The following UCP2 variants were observed in gnomAD, a reference collection of about 807,000 sequenced individuals.
The protein encoded by UCP2 is uncoupling protein 2.
In UCP2, 27 loss-of-function variants were observed where a neutral mutation model predicts 31.3. The ratio of observed to expected loss-of-function variants is 0.86; its 90% CI spans 0.64 to 1.19. The LOEUF is 1.19. Among genes scored for constraint, UCP2 ranks in the 50% most tolerant of loss-of-function variants. The pLI, the probability that UCP2 is intolerant of heterozygous loss-of-function variation, is 0.00. For synonymous variants in UCP2, 142 were observed against 157.4 expected (o/e 0.90, Z 0.73); for missense variants, 377 against 413.5 (o/e 0.91, Z 0.76).
rs561404186 is a variant in UCP2 at position 73,978,429 on chromosome 11, G to A, written c.-51C>T. On this transcript the variant is annotated 5_prime_UTR_variant, in exon 3 of 8. Coordinates refer to ENST00000663595, the MANE Select transcript of UCP2 (RefSeq NM_003355.3). ...GGAGATGGAGAAAAACTGGAGACAG[G>A]GGCACCTTTAATCAGCAACAAGACG... 6.2e-7 allele frequency: 1 copy of A among 1,612,554 alleles called. No individual in the cohort carries two copies. The highest frequency in any genetic ancestry group is 1.7e-5 in the Admixed American group (1 of 59,930).
rs559032317 is a variant in UCP2, at chr11:73,974,862, A to T, written c.*145T>A. The T allele has an allele frequency of 3.5e-5, 26 of 748,088 alleles. No homozygotes were observed. In the East Asian group the frequency reaches 6.8e-4, roughly 19 times the overall value. The allele number at this position is 748,088 out of a possible 1,614,324, so 46.3% of individuals were successfully genotyped here. On this transcript the variant is annotated 3_prime_UTR_variant, in exon 8 of 8. Coordinates refer to ENST00000663595, the MANE Select transcript of UCP2 (RefSeq NM_003355.3). ...GTAGATGAGAATGTAGAAAGAGGGA[A>T]GGTGGTAGGTAAAGGAGCGGAAGGA...
rs751438926 is a variant in UCP2, at chr11:73,976,650, G to T, written c.625C>A (p.Leu209Ile). The change falls in exon 6 of 8, where the codon CTC (leucine) becomes ATC (isoleucine). Residue 209 changes from leucine (L) to isoleucine (I), a missense_variant. Transcript: ENST00000663595. ...CTACCTCATGACTCACCTGTCATGA[G>T]GTTGGCTTTCAGGAGGGCATCCTTG... is the stretch of plus-strand genomic sequence containing the variant. ...LIKDALLKANLMTDDLPCHFT... is the reference protein window; with the variant it reads ...LIKDALLKANIMTDDLPCHFT... 1.2e-6 allele frequency: 2 copies of T among 1,613,992 alleles called. No individual in the cohort carries two copies. The highest frequency in any genetic ancestry group is 2.2e-5 in the South Asian group (2 of 91,076).
intron 2 of UCP2, among the ~76,000 whole-genome samples, chr11:73,979,501 G>A (rs1321468787): frequency 2.6e-5 from 4 of 152,048 alleles, no homozygotes; most frequent in South Asian, 2.1e-4. Flanking sequence ...AGCTGAGATC[G>A]TGCCACTGCA....
At chr11:73,976,614 C>A (rs764698469) in intron 6 of UCP2, 27 bp downstream of exon 6, 2 of 1,591,840 alleles carry the variant, frequency 1.3e-6, no homozygotes, top group Admixed American at 3.3e-5. Context: ...AAGGGTGAGA[C>A]CCAGCACCGT....
chr11:73,975,693 G>T (rs1359171747), intron 6 of UCP2, 22 bp from the exon 7 acceptor site: 2 of 1,614,068 alleles, frequency 1.2e-6, no homozygotes, highest in South Asian at 2.2e-5. Flanking sequence ...GAGCAGGCAA[G>T]GCAGTCAAGA....
At position 73,982,789 on chromosome 11, in the gene UCP2, A is replaced by C. The variant is rs1951482598; in HGVS notation, c.-325T>G. 1 of 152,340 alleles carries C rather than the reference A, an allele frequency of 6.6e-6. No homozygotes were observed. Among genetic ancestry groups the C allele is most frequent in the Non-Finnish European group, 1.5e-5 (1 of 68,362 alleles). 9.4% of individuals were successfully genotyped at this position (152,340 alleles called of 1,614,324 possible). A position where few individuals can be genotyped will look rare whatever the true frequency, so the allele number is the denominator to read the frequency against. ...CGGCTGGCGGAGGGCGCGTCGGACG[A>C]GCCGGGCGAGCGTGGACAGTCAATC... On this transcript the variant is annotated 5_prime_UTR_variant, in exon 1 of 8. Transcript: ENST00000663595.
intron 2 of UCP2, among the ~76,000 whole-genome samples, chr11:73,980,509 C>T (rs933474004): frequency 5.9e-5 from 9 of 152,168 alleles, no homozygotes; most frequent in African/African-American, 1.2e-4. Context: ...AAGGTGCCCT[C>T]GGACTCCCCA....
chr11:73,977,744 GA>G, intron 4 of UCP2, 141 bp downstream of exon 4: 2 of 1,130,542 alleles, frequency 1.8e-6, no homozygotes, highest in Non-Finnish European at 2.5e-6. Flanking sequence ...CTATGTGGAG[GA>G]CCAGGGCCCC....
chr11:73,974,721 G>C lies in UCP2; in HGVS notation c.*286C>G, dbSNP rs970943016. 2 of 451,252 alleles carry C rather than the reference G, an allele frequency of 4.4e-6. No homozygotes were observed. The highest frequency in any genetic ancestry group is 8.2e-6 in the Non-Finnish European group (2 of 243,356). The allele number at this position is 451,252 out of a possible 1,614,324, so 28.0% of individuals were successfully genotyped here. A position where few individuals can be genotyped will look rare whatever the true frequency, so the allele number is the denominator to read the frequency against. The stretch of plus-strand genomic sequence containing the variant: ...GACAAGTGGGCTAGGCTGGGCTGTC[G>C]GGGGCAGGACGAAGATTCTGGCTGA... On this transcript the variant is annotated 3_prime_UTR_variant, in exon 8 of 8. Transcript: ENST00000663595.
intron 4 of UCP2, among the ~76,000 whole-genome samples, chr11:73,977,400 A>C (rs973054689): frequency 6.6e-6 from 1 of 152,226 alleles, no homozygotes; most frequent in African/African-American, 2.4e-5. Flanking sequence ...ATCTCAGGTC[A>C]GCTTTACTTC....
chr11:73,977,532 C>T (rs904795622), intron 4 of UCP2, among the ~76,000 whole-genome samples: 7 of 152,176 alleles, frequency 4.6e-5, no homozygotes, highest in Admixed American at 1.3e-4. Context: ...GCCTTAGAGA[C>T]GAGTGTCCTG....
At chr11:73,980,073 A>C (rs1951427034) in intron 2 of UCP2, 1 of 152,196 alleles carries the variant, frequency 6.6e-6, no homozygotes, top group Non-Finnish European at 1.5e-5. Context: ...TGATAAAGTA[A>C]ACCAAAAGCC....
Position 73,975,515 on chromosome 11 carries a change from T to G in UCP2, c.791A>C (p.Glu264Ala). ...CCCTTTGTAGAAGGCTCGGGGCCCC[T>G]CCTTCTGGAGCATGGTAAGGGCACA... ...GHCALTMLQKEGPRAFYKGFM... is the reference protein window; with the variant it reads ...GHCALTMLQKAGPRAFYKGFM... The change falls in exon 7 of 8, where the codon GAG becomes GCG. Residue 264 changes from glutamate (E) to alanine (A), a missense_variant. Coordinates refer to ENST00000663595, the MANE Select transcript of UCP2 (RefSeq NM_003355.3). The G allele has an allele frequency of 6.2e-7, 1 of 1,611,734 alleles. No homozygotes were observed. The highest frequency in any genetic ancestry group is 8.5e-7 in the Non-Finnish European group (1 of 1,178,480).
At chr11:73,980,667 C>A (rs1004945031) in intron 2 of UCP2, 1 of 152,258 alleles carries the variant, frequency 6.6e-6, no homozygotes, top group Non-Finnish European at 1.5e-5. Flanking sequence ...AAGAGCCACA[C>A]TTACAGGCAC....
chr11:73,976,554 G>T, intron 6 of UCP2, 87 bp downstream of exon 6: 1 of 1,043,352 alleles, frequency 9.6e-7, no homozygotes. Context: ...ATGAAAAGAT[G>T]TGGTCTTCTG....
At chr11:73,976,586 C>T in intron 6 of UCP2, 55 bp downstream of exon 6, 1 of 1,446,570 alleles carries the variant, frequency 6.9e-7, no homozygotes, top group Middle Eastern at 1.7e-4. Context: ...ACCCCCGCAC[C>T]TGCTCCTGGC....
intron 2 of UCP2, chr11:73,981,221 G>A (rs770902479): frequency 2.0e-5 from 3 of 152,220 alleles, no homozygotes; most frequent in Non-Finnish European, 4.4e-5. Context: ...GATGACTTGG[G>A]GCCAATCACT....
upstream of UCP2, chr11:73,982,983 C>T (rs1216749537): frequency 6.6e-6 from 1 of 152,354 alleles, no homozygotes; most frequent in African/African-American, 2.4e-5. Context: ...GGGACCGCCC[C>T]GCCTAGGGTT....
upstream of UCP2, chr11:73,982,853 C>A (rs1951485368): frequency 6.6e-6 from 1 of 151,674 alleles, no homozygotes; most frequent in Non-Finnish European, 1.5e-5. Context: ...TGGGGCTCCG[C>A]GCAGGCGGCG....
Sources: gnomAD v4.1 joint callset for allele counts (sites outside exome capture counted in the v4.1 genomes callset) on GRCh38, gnomAD v4.1.1 for gene constraint, MANE v1.5 for transcripts, NCBI Gene and HGNC (gene_info 2026-07-23, HGNC 2026-07-21) for gene names.